The following SORCS3 variants were observed in gnomAD, a reference collection of about 807,000 sequenced individuals.
SORCS3 encodes sortilin related VPS10 domain containing receptor 3, also known as VPS10 domain-containing receptor SorCS3.
A neutral mutation model predicts 146.3 loss-of-function variants in SORCS3; 57 were observed. The ratio of observed to expected loss-of-function variants is 0.39; its 90% CI spans 0.31 to 0.49. The LOEUF (loss-of-function observed/expected upper bound fraction) is 0.49, where lower values mean the gene tolerates loss of function less well. SORCS3 is among the 20% of genes least tolerant of loss of function. The probability of loss-of-function intolerance (pLI) is 0.92; values close to 1 mark genes in which losing one functional copy is unlikely to be tolerated. For missense variants in SORCS3, 1,341 were observed against 1,575.5 expected, an observed-to-expected ratio of 0.85 and a Z score of 2.52; for synonymous variants, 653 against 618.5, an observed-to-expected ratio of 1.06 and a Z score of -0.83.
intron 14 of SORCS3, among the ~76,000 whole-genome samples, chr10:105,198,331 T>A (rs1020060367): frequency 6.6e-5 from 10 of 152,140 alleles, no homozygotes; most frequent in Non-Finnish European, 8.8e-5. Flanking sequence ...GGTATCTGAA[T>A]GCGAGAGTTT....
At chr10:104,738,799 G>T (rs924083650) in intron 1 of SORCS3, among the ~76,000 whole-genome samples, 2 of 152,100 alleles carry the variant, frequency 1.3e-5, no homozygotes, top group Admixed American at 1.3e-4. Context: ...CCCTTGAGAC[G>T]CAAGGGCTTC....
intron 1 of SORCS3, among the ~76,000 whole-genome samples, chr10:104,816,194 G>T (rs553049206): frequency 7.2e-5 from 11 of 152,248 alleles, no homozygotes; most frequent in South Asian, 2.1e-4. Context: ...TACAGTATTC[G>T]CAGGAGGATA....
chr10:104,749,657 C>T (rs552557789), intron 1 of SORCS3, among the ~76,000 whole-genome samples: 2 of 152,282 alleles, frequency 1.3e-5, no homozygotes, highest in South Asian at 2.1e-4. Flanking sequence ...GAGGAGGTAA[C>T]TTCCTCAAGG....
At chr10:104,891,620 A>T (rs1187959834) in intron 2 of SORCS3, among the ~76,000 whole-genome samples, 2 of 152,152 alleles carry the variant, frequency 1.3e-5, no homozygotes, top group Non-Finnish European at 2.9e-5. Context: ...GTGTCCAGTG[A>T]CATGAAAATT....
At chr10:104,850,846 C>A (rs1194600821) in intron 2 of SORCS3, among the ~76,000 whole-genome samples, 1 of 152,204 alleles carries the variant, frequency 6.6e-6, no homozygotes, top group Admixed American at 6.5e-5. Flanking sequence ...CCAAAAGATA[C>A]CTTTCCTGAG....
At chr10:105,007,324 CAAA>C (rs140953562) in intron 4 of SORCS3, among the ~76,000 whole-genome samples, 8,514 of 151,980 alleles carry the variant, frequency 0.056, 267 homozygotes, top group Middle Eastern at 0.082. Flanking sequence ...TGAAAATACA[CAAA>C]ACAACAACAA....
At chr10:104,786,038 A>G (rs985343228) in intron 1 of SORCS3, among the ~76,000 whole-genome samples, 8 of 152,192 alleles carry the variant, frequency 5.3e-5, no homozygotes, top group African/African-American at 1.9e-4. Context: ...ATTAGGGTGC[A>G]TGAGGGGAGG....
chr10:104,699,378 A>G (rs1432354632), intron 1 of SORCS3, among the ~76,000 whole-genome samples: 1 of 152,154 alleles, frequency 6.6e-6, no homozygotes, highest in East Asian at 1.9e-4. Context: ...AATATGAATC[A>G]GTATTTTACC....
chr10:104,764,714 T>C (rs552797275), intron 1 of SORCS3, among the ~76,000 whole-genome samples: 1 of 152,326 alleles, frequency 6.6e-6, no homozygotes, highest in Non-Finnish European at 1.5e-5. Context: ...TAATGTTTTT[T>C]TCAGAATGCT....
chr10:104,660,396 G>A (rs988669520), intron 1 of SORCS3, among the ~76,000 whole-genome samples: 1 of 152,196 alleles, frequency 6.6e-6, no homozygotes, highest in Non-Finnish European at 1.5e-5. Flanking sequence ...TTAACATTTA[G>A]GTAGTGGAGG....
At chr10:104,998,609 G>A (rs909477610) in intron 4 of SORCS3, among the ~76,000 whole-genome samples, 7 of 152,010 alleles carry the variant, frequency 4.6e-5, no homozygotes, top group African/African-American at 1.7e-4. Flanking sequence ...GACTTCAGGG[G>A]TTGCTTTCTC....
chr10:104,837,921 A>C (rs941968434), intron 1 of SORCS3, among the ~76,000 whole-genome samples: 15 of 152,212 alleles, frequency 9.9e-5, no homozygotes, highest in African/African-American at 3.6e-4. Flanking sequence ...GTTGAGTCAG[A>C]CAGGCATGAG....
intron 1 of SORCS3, among the ~76,000 whole-genome samples, chr10:104,749,229 G>A (rs2016952848): frequency 1.6e-5 from 1 of 62,110 alleles, no homozygotes; most frequent in East Asian, 3.4e-4. Flanking sequence ...AGTATAGGGT[G>A]TGTGTGTGTG....
At chr10:105,090,164 C>T (rs1246215534) in intron 6 of SORCS3, among the ~76,000 whole-genome samples, 1 of 152,138 alleles carries the variant, frequency 6.6e-6, no homozygotes, top group African/African-American at 2.4e-5. Flanking sequence ...ATTCACATGG[C>T]GAATTGCAAG....
chr10:104,885,311 GCAGATTT>G (rs2018671722), intron 2 of SORCS3, among the ~76,000 whole-genome samples: 1 of 152,222 alleles, frequency 6.6e-6, no homozygotes, highest in South Asian at 2.1e-4. Context: ...CTCAAGGACA[GCAGATTT>G]TAGTTTGTGC....
At chr10:105,225,706 C>T (rs1244388462) in intron 20 of SORCS3, among the ~76,000 whole-genome samples, 1 of 151,944 alleles carries the variant, frequency 6.6e-6, no homozygotes, top group African/African-American at 2.4e-5. Flanking sequence ...GTATTCCTAT[C>T]CATGAACATG....
intron 1 of SORCS3, among the ~76,000 whole-genome samples, chr10:104,742,149 G>C (rs913301337): frequency 6.6e-6 from 1 of 152,066 alleles, no homozygotes; most frequent in Non-Finnish European, 1.5e-5. Flanking sequence ...TGCCAGGTGA[G>C]GGTGGAAGTT....
chr10:104,758,744 G>A (rs2017087601), intron 1 of SORCS3, among the ~76,000 whole-genome samples: 2 of 152,238 alleles, frequency 1.3e-5, no homozygotes, highest in South Asian at 4.1e-4. Flanking sequence ...GTAGGAATGG[G>A]CTCACATCTC....
intron 4 of SORCS3, among the ~76,000 whole-genome samples, chr10:105,016,550 T>A (rs144522959): frequency 6.6e-6 from 1 of 152,220 alleles, no homozygotes; most frequent in Non-Finnish European, 1.5e-5. Context: ...CAGCACCATG[T>A]CTGTAGTCTA....
Sources: allele counts gnomAD v4.1 joint callset (sites outside exome capture counted in the v4.1 genomes callset), GRCh38; gene constraint gnomAD v4.1.1; transcripts MANE v1.5; gene names NCBI Gene and HGNC (gene_info 2026-07-23, HGNC 2026-07-21).